The following PARVB variants were observed in gnomAD, a reference collection of about 807,000 sequenced individuals.
PARVB encodes the protein parvin beta, also known as beta-parvin.
PARVB carries 46 observed loss-of-function variants against 47.0 expected under a neutral mutation model. That is an observed-to-expected ratio of 0.98 (90% confidence interval 0.77 to 1.25). The LOEUF (loss-of-function observed/expected upper bound fraction) is 1.25, where lower values mean the gene tolerates loss of function less well. Ranked by LOEUF, PARVB falls within the 50% of genes most tolerant of loss-of-function variation. PARVB has a pLI of 0.00. For missense variants in PARVB, 473 were observed against 471.6 expected, an observed-to-expected ratio of 1.00 and a Z score of -0.03; for synonymous variants, 196 against 196.3, an observed-to-expected ratio of 1.00 and a Z score of 0.01.
intron 2 of PARVB, among the ~76,000 whole-genome samples, chr22:44,002,316 C>T (rs543094613): frequency 8.5e-5 from 13 of 152,198 alleles, no homozygotes; most frequent in Non-Finnish European, 1.6e-4. Flanking sequence ...AGGTGACTTG[C>T]AATAGAGTAA....
intron 9 of PARVB, 70 bp downstream of exon 9, chr22:44,147,992 G>T: frequency 1.7e-6 from 2 of 1,169,480 alleles, no homozygotes; most frequent in Admixed American, 1.8e-5. Context: ...CAAACGCCCC[G>T]CTGGGAAGAA....
chr22:44,118,434 G>T (rs192169977), intron 3 of PARVB, among the ~76,000 whole-genome samples: 2 of 152,216 alleles, frequency 1.3e-5, no homozygotes, highest in Admixed American at 1.3e-4. Context: ...TCTCAATAAG[G>T]GTGCATACAA....
At chr22:44,109,765 C>T (rs960628949) in intron 3 of PARVB, 2 of 151,652 alleles carry the variant, frequency 1.3e-5, no homozygotes, top group African/African-American at 2.4e-5. Context: ...TTTATAGCAG[C>T]AATGTTGTAT....
intron 3 of PARVB, among the ~76,000 whole-genome samples, chr22:44,102,426 T>G (rs971767784): frequency 6.6e-6 from 1 of 152,202 alleles, no homozygotes; most frequent in Non-Finnish European, 1.5e-5. Context: ...TTCTAAAGAT[T>G]TTTTTCTTTG....
chr22:44,056,218 G>A (rs1330592377), intron 1 of PARVB, among the ~76,000 whole-genome samples: 6 of 152,240 alleles, frequency 3.9e-5, no homozygotes, highest in South Asian at 2.1e-4. Context: ...TTGGGGCACC[G>A]CTGCCTCTGC....
intron 1 of PARVB, among the ~76,000 whole-genome samples, chr22:44,031,669 T>C (rs2050829019): frequency 6.6e-6 from 1 of 152,040 alleles, no homozygotes; most frequent in African/African-American, 2.4e-5. Context: ...GACTCTGCCT[T>C]GATTCCCTCC....
At chr22:44,141,350 G>C (rs1384961073) in intron 8 of PARVB, 1 of 152,368 alleles carries the variant, frequency 6.6e-6, no homozygotes, top group Non-Finnish European at 1.5e-5. Flanking sequence ...GCAAGCTGAG[G>C]AGCAGGGAAG....
chr22:44,139,925 A>C (rs2053516878), intron 7 of PARVB, 199 bp from the exon 8 acceptor site: 2 of 360,598 alleles, frequency 5.5e-6, no homozygotes, highest in Non-Finnish European at 1.0e-5. Flanking sequence ...TTAATAATTC[A>C]CACAAGCACC....
At chr22:44,120,078 A>G (rs541043573) in intron 4 of PARVB, 141 of 354,916 alleles carry the variant, frequency 4.0e-4, no homozygotes, top group African/African-American at 2.7e-3. Context: ...TGGGGCCCAC[A>G]GTCTCCTGGT....
chr22:44,122,588 G>GAGAC (rs2053093427), intron 4 of PARVB, among the ~76,000 whole-genome samples: 6 of 122,524 alleles, frequency 4.9e-5, no homozygotes, highest in South Asian at 2.6e-4. Context: ...GAGAGAGAGA[G>GAGAC]AGAGAGAGAG....
intron 1 of PARVB, among the ~76,000 whole-genome samples, chr22:44,067,276 G>A (rs1053658068): frequency 1.3e-5 from 2 of 152,224 alleles, no homozygotes; most frequent in Admixed American, 1.3e-4. Context: ...TTAGTTAGTT[G>A]CATTACATTG....
intron 10 of PARVB, among the ~76,000 whole-genome samples, chr22:44,156,965 A>G (rs754467137): frequency 6.6e-6 from 1 of 152,212 alleles, no homozygotes; most frequent in Non-Finnish European, 1.5e-5. Context: ...TGACCCAACA[A>G]TGAGGATGTA....
At position 44,155,553 on chromosome 22, in the gene PARVB, C is replaced by T. The variant is rs550007684; in HGVS notation, c.844-2429C>T. On this transcript the variant is annotated intron_variant, in intron 10 of 12. Transcript: ENST00000338758. This position sits in a 1 kb window ranked among gnomAD's most constrained non-coding sequence, Gnocchi z 4.8. ...GGCTCAGGGCCTGCGGGAGCAGCGG[C>T]GTGGCCACCCCAGACCTCCTGGGGA... is the stretch of plus-strand genomic sequence containing the variant. Among the ~76,000 whole-genome samples, 71 of 152,274 alleles carry T rather than the reference C, an allele frequency of 4.7e-4. No homozygotes were observed. The highest frequency in any genetic ancestry group is 1.4e-3 in the African/African-American group (57 of 41,544).
At chr22:44,024,520 C>A in intron 1 of PARVB, 69 bp downstream of exon 1, 2 of 750,610 alleles carry the variant, frequency 2.7e-6, no homozygotes, top group Non-Finnish European at 3.4e-6. Flanking sequence ...GGCCCTAGAG[C>A]CCCACGAGGC....
intron 11 of PARVB, among the ~76,000 whole-genome samples, chr22:44,159,425 G>A (rs563027946): frequency 6.6e-4 from 101 of 152,282 alleles, no homozygotes; most frequent in African/African-American, 2.4e-3. Context: ...TTTGACAATT[G>A]CTGCCCTGGC....
At position 44,052,944 on chromosome 22, in the gene PARVB, AAAAAC is replaced by A. The variant is rs559914323; in HGVS notation, c.112+28515_112+28519del. Among the ~76,000 whole-genome samples, 17 of 152,240 alleles carry A rather than the reference AAAAAC, an allele frequency of 1.1e-4. No individual in the cohort carries two copies. In the East Asian group the frequency reaches 2.1e-3, roughly 19 times the overall value. The stretch of plus-strand genomic sequence containing the variant: ...GGAGACAGAGCAAAGCCCTATCTCA[AAAAAC>A]AAAACAAAACAAAACAAAACACCCA... On this transcript the variant is annotated intron_variant, in intron 1 of 12. Transcript: ENST00000338758.
chr22:44,168,954 A>G lies in PARVB; in HGVS notation c.*276A>G. 1 of 378,816 alleles carries G rather than the reference A, an allele frequency of 2.6e-6. No individual in the cohort carries two copies. Among genetic ancestry groups the G allele is most frequent in the Non-Finnish European group, 4.9e-6 (1 of 204,526 alleles). 23.5% of individuals were successfully genotyped at this position (378,816 alleles called of 1,614,324 possible). A position where few individuals can be genotyped will look rare whatever the true frequency, so the allele number is the denominator to read the frequency against. ...TTGCGTTTGAAGCCTCGCGTCACTC[A>G]GTCGCGTGGGATGATGAGTCCGTTG... On this transcript the variant is annotated 3_prime_UTR_variant, in exon 13 of 13. Coordinates refer to ENST00000338758, the MANE Select transcript of PARVB (RefSeq NM_013327.5).
chr22:44,006,898 C>G (rs2050471157), intron 2 of PARVB, among the ~76,000 whole-genome samples: 1 of 152,194 alleles, frequency 6.6e-6, no homozygotes, highest in Admixed American at 6.5e-5. Flanking sequence ...GTGTGCAGTA[C>G]CTCCCCCTGT....
At chr22:44,055,989 A>G (rs974113910) in intron 1 of PARVB, among the ~76,000 whole-genome samples, 5 of 152,208 alleles carry the variant, frequency 3.3e-5, no homozygotes, top group African/African-American at 1.2e-4. Context: ...TGGTTAGCCA[A>G]GCACCAGGCC....
Sources: allele counts gnomAD v4.1 joint callset (sites outside exome capture counted in the v4.1 genomes callset), GRCh38; gene constraint gnomAD v4.1.1; non-coding constraint Gnocchi (gnomAD v3.1); transcripts MANE v1.5; gene names NCBI Gene and HGNC (gene_info 2026-07-23, HGNC 2026-07-21).